Variants in PKN2 observed in about 807,000 individuals in gnomAD.
The protein encoded by PKN2 is serine/threonine-protein kinase N2.
PKN2 carries 38 observed loss-of-function variants against 119.1 expected under a neutral mutation model. The observed-to-expected ratio is 0.32, with a 90% CI of 0.25 to 0.42. The LOEUF (loss-of-function observed/expected upper bound fraction) is 0.42. Ranked by LOEUF, PKN2 falls within the 10% of genes least tolerant of loss-of-function variation. PKN2 has a pLI of 1.00. For synonymous variants in PKN2, 390 were observed against 384.9 expected (o/e 1.01, Z -0.15); for missense variants, 850 against 1,165.1 (o/e 0.73, Z 3.94).
In PKN2 at chr1:88,684,456, A is replaced by T; in HGVS notation, c.-125A>T. On this transcript the variant is annotated 5_prime_UTR_variant, in exon 1 of 22. Coordinates refer to ENST00000370521, the MANE Select transcript of PKN2 (RefSeq NM_006256.4). ...CTCCAGCAGGGGCTGCGCCTCCATG[A>T]ATCCCTAGTTGTTTTTTTTTTTTTC... The T allele has an allele frequency of 1.2e-6, 1 of 815,436 alleles. No individual in the cohort carries two copies. The highest frequency in any genetic ancestry group is 1.8e-6 in the Non-Finnish European group (1 of 542,354). 50.5% of individuals were successfully genotyped at this position (815,436 alleles called of 1,614,324 possible).
chr1:88,803,912 G>T (rs968356154), intron 8 of PKN2, among the ~76,000 whole-genome samples: 2 of 152,130 alleles, frequency 1.3e-5, no homozygotes, highest in African/African-American at 2.4e-5. Flanking sequence ...ACAATATGTG[G>T]CACATTGTGA....
At chr1:88,695,051 C>T (rs937787557) in intron 1 of PKN2, among the ~76,000 whole-genome samples, 3 of 151,614 alleles carry the variant, frequency 2.0e-5, no homozygotes, top group South Asian at 2.1e-4. Context: ...GGCGTGAACC[C>T]GGGAGGCAGA....
rs549900718 is a variant in PKN2 at position 88,776,016 on chromosome 1, G to C, written c.985+4137G>C. On this transcript the variant is annotated intron_variant, in intron 6 of 21. Transcript: ENST00000370521. ...CCAGCTACTCAGGAGGCTGAGGCAG[G>C]AGAATGGCGTGAACCTGGGAGGCGG... Among the ~76,000 whole-genome samples the C allele has an allele frequency of 3.3e-5, 5 of 151,738 alleles. No homozygotes were observed. In the East Asian group the frequency reaches 9.7e-4, roughly 29 times the overall value.
intron 6 of PKN2, among the ~76,000 whole-genome samples, chr1:88,782,206 C>T (rs1304332579): frequency 2.6e-5 from 4 of 152,170 alleles, no homozygotes; most frequent in African/African-American, 4.8e-5. Context: ...TTCCTCTCTA[C>T]GTAACATGTT....
chr1:88,795,657 T>G (rs1162477153), intron 8 of PKN2, among the ~76,000 whole-genome samples: 1 of 152,226 alleles, frequency 6.6e-6, no homozygotes, highest in Admixed American at 6.5e-5. Flanking sequence ...GTTAGTTTTC[T>G]CAGGCCACAC....
chr1:88,792,219 A>G (rs1270047168), intron 8 of PKN2, among the ~76,000 whole-genome samples: 1 of 152,280 alleles, frequency 6.6e-6, no homozygotes. Flanking sequence ...AGCCTGACCA[A>G]TATGGAGAAA....
At chr1:88,806,385 G>A in intron 12 of PKN2, 1 of 220,754 alleles carries the variant, frequency 4.5e-6, no homozygotes, top group South Asian at 6.3e-5. Flanking sequence ...GGTCAGGCTG[G>A]TCTTAAACTC....
intron 4 of PKN2, among the ~76,000 whole-genome samples, chr1:88,770,971 T>C (rs931262814): frequency 6.6e-6 from 1 of 151,844 alleles, no homozygotes. Flanking sequence ...CAAGAAGATA[T>C]TGATCTAGAA....
At chr1:88,733,709 T>A (rs1455465156) in intron 1 of PKN2, among the ~76,000 whole-genome samples, 2 of 152,238 alleles carry the variant, frequency 1.3e-5, no homozygotes, top group Non-Finnish European at 1.5e-5. Flanking sequence ...CTATACAGGT[T>A]AAATATCCTG....
intron 15 of PKN2, 60 bp from the exon 16 acceptor site, chr1:88,813,495 GAA>G: frequency 8.6e-7 from 1 of 1,165,838 alleles, no homozygotes. Context: ...AATTTATAAA[GAA>G]TGTTATTTCC....
At chr1:88,704,798 AAAG>A (rs1666910583) in intron 1 of PKN2, among the ~76,000 whole-genome samples, 3 of 151,552 alleles carry the variant, frequency 2.0e-5, no homozygotes, top group African/African-American at 7.3e-5. Context: ...AAAAAAAAAA[AAAG>A]AGTTCCAGTT....
chr1:88,825,957 C>T (rs952255819), intron 18 of PKN2, among the ~76,000 whole-genome samples: 3 of 152,192 alleles, frequency 2.0e-5, no homozygotes, highest in African/African-American at 7.2e-5. Flanking sequence ...CCCATCCCAA[C>T]TCTATTTGCT....
Position 88,833,425 on chromosome 1 carries a change from G to A in PKN2, c.2932G>A (p.Asp978Asn), listed in dbSNP as rs1672812576. Residue 978 changes from aspartate to asparagine, a missense_variant, in exon 22 of 22, where the codon GAC becomes AAC. Transcript: ENST00000370521. ...GGAGCAGGAAATGTTCAGAGATTTT[G>A]ACTACATTGCTGATTGGTGTTAAGT... ...EEEQEMFRDFDYIADWC is the reference protein window; with the variant it reads ...EEEQEMFRDFNYIADWC The A allele has an allele frequency of 6.2e-7, 1 of 1,613,084 alleles. No individual in the cohort carries two copies. The highest frequency in any genetic ancestry group is 1.7e-5 in the Admixed American group (1 of 59,932).
At chr1:88,714,262 C>G (rs998955300) in intron 1 of PKN2, among the ~76,000 whole-genome samples, 1 of 152,082 alleles carries the variant, frequency 6.6e-6, no homozygotes, top group South Asian at 2.1e-4. Flanking sequence ...CTTGGCAATG[C>G]GGGCTCTTTT....
At chr1:88,727,831 TA>T (rs1226125002) in intron 1 of PKN2, among the ~76,000 whole-genome samples, 3 of 152,332 alleles carry the variant, frequency 2.0e-5, no homozygotes, top group African/African-American at 7.2e-5. Flanking sequence ...TTGATAATAC[TA>T]ACCGGACCAC....
chr1:88,723,297 G>T (rs34636683), intron 1 of PKN2, among the ~76,000 whole-genome samples: 17 of 151,828 alleles, frequency 1.1e-4, no homozygotes, highest in African/African-American at 4.1e-4. Flanking sequence ...ATTTTCAGTA[G>T]AGACGGGGTT....
At chr1:88,711,380 C>G (rs1667230146) in intron 1 of PKN2, among the ~76,000 whole-genome samples, 1 of 151,954 alleles carries the variant, frequency 6.6e-6, no homozygotes, top group Non-Finnish European at 1.5e-5. Context: ...CGTAATCAGT[C>G]TGGACAGTTT....
intron 1 of PKN2, among the ~76,000 whole-genome samples, chr1:88,717,773 G>A (rs957916543): frequency 2.0e-5 from 3 of 151,904 alleles, no homozygotes; most frequent in Non-Finnish European, 4.4e-5. Context: ...TGTTATTACC[G>A]ATCTTCCGAA....
rs750438603 is a variant in PKN2, at chr1:88,771,467, G to A, written c.669G>A (p.Arg223=). ...TTGAACTTCGGATGGAAGAATTAAGGCATCATTTTAGGATAGAGTTTGCAG... is the reference window on the plus strand; with the variant it reads ...TTGAACTTCGGATGGAAGAATTAAGACATCATTTTAGGATAGAGTTTGCAG... The part of the protein sequence containing the change: ...SPLELRMEEL[R]HHFRIEFAVA... The change falls in exon 5 of 22, where the codon AGG becomes AGA. Residue 223 remains arginine (R), a synonymous_variant. Coordinates refer to ENST00000370521, the MANE Select transcript of PKN2 (RefSeq NM_006256.4). The A allele has an allele frequency of 6.2e-7, 1 of 1,607,860 alleles. No individual in the cohort carries two copies. The highest frequency in any genetic ancestry group is 1.7e-5 in the Admixed American group (1 of 59,446).
Sources: allele counts gnomAD v4.1 joint callset (sites outside exome capture counted in the v4.1 genomes callset), GRCh38; gene constraint gnomAD v4.1.1; transcripts MANE v1.5; gene names NCBI Gene and HGNC (gene_info 2026-07-23, HGNC 2026-07-21).